SLC24A5: variants seen among roughly 807,000 people sequenced by gnomAD.
The protein encoded by SLC24A5 is solute carrier family 24 member 5.
A neutral mutation model predicts 51.6 loss-of-function variants in SLC24A5; 46 were observed. The observed-to-expected ratio is 0.89, with a 90% CI of 0.70 to 1.14. SLC24A5 has a LOEUF of 1.14. SLC24A5 is among the 50% of genes most tolerant of loss of function. The probability of loss-of-function intolerance (pLI) is 0.00; values close to 1 mark genes in which losing one functional copy is unlikely to be tolerated. For missense variants in SLC24A5, 581 were observed against 604.1 expected (o/e 0.96, Z 0.40); for synonymous variants, 230 against 214.9 (o/e 1.07, Z -0.62).
intron 2 of SLC24A5, among the ~76,000 whole-genome samples, chr15:48,133,333 GT>G (rs2038816465): frequency 6.6e-6 from 1 of 152,106 alleles, no homozygotes; most frequent in Non-Finnish European, 1.5e-5. Context: ...GTAAAGCCTG[GT>G]TGGGGATTTC....
chr15:48,128,245 A>G (rs1315501142), intron 2 of SLC24A5, among the ~76,000 whole-genome samples: 3 of 152,096 alleles, frequency 2.0e-5, no homozygotes, highest in African/African-American at 7.2e-5. Flanking sequence ...ATAGAGTCCA[A>G]ATTCCACAGT....
rs1312902018 is a variant in SLC24A5, at chr15:48,134,332, G to T, written c.376G>T (p.Ala126Ser). 1 of 1,613,524 alleles carries T rather than the reference G, an allele frequency of 6.2e-7. No individual in the cohort carries two copies. The highest frequency in any genetic ancestry group is 1.7e-5 in the Admixed American group (1 of 59,970). The change falls in exon 3 of 9, where the codon GCT (alanine) becomes TCT (serine). Residue 126 changes from alanine (A) to serine (S), a missense_variant. Transcript: ENST00000341459. ...AGSSAPELVT[A>S]FLGVFITKGD... The stretch of plus-strand genomic sequence containing the variant: ...CAGTTCAGCTCCTGAATTAGTTACT[G>T]CTTTCCTAGGTAAATATTGCTCCTT...
At chr15:48,138,481 A>C (rs2038957657) in intron 6 of SLC24A5, 1 of 152,580 alleles carries the variant, frequency 6.6e-6, no homozygotes, top group African/African-American at 2.4e-5. Context: ...TCCACTAAGA[A>C]TTAGGATATG....
At chr15:48,121,803 C>T in intron 1 of SLC24A5, 54 bp from the exon 2 acceptor site, 1 of 1,566,234 alleles carries the variant, frequency 6.4e-7, no homozygotes, top group Non-Finnish European at 8.8e-7. Context: ...TCTCTGTGGG[C>T]TTGGAATGTG....
In SLC24A5 at chr15:48,142,048, G is replaced by A. The variant is rs1466676317; in HGVS notation, c.1200G>A (p.Met400Ile). ...VARKGKGDMA[M>I]SNIVGSNVFD... ...TTGTAGGGAAAGGAGATATGGCTAT[G>A]TCTAACATCGTGGGATCCAATGTGT... is the stretch of plus-strand genomic sequence containing the variant. The change falls in exon 9 of 9, where the codon ATG (methionine) becomes ATA (isoleucine). Residue 400 changes from methionine to isoleucine, a missense_variant. Coordinates refer to ENST00000341459, the MANE Select transcript of SLC24A5 (RefSeq NM_205850.3). The A allele has an allele frequency of 1.9e-6, 3 of 1,612,568 alleles. No individual in the cohort carries two copies. The highest frequency in any genetic ancestry group is 2.5e-6 in the Non-Finnish European group (3 of 1,179,116).
rs2038858254 is a variant in SLC24A5 at position 48,134,884 on chromosome 15, G to A, written c.490G>A (p.Val164Ile). Residue 164 changes from valine (V) to isoleucine (I), a missense_variant and splice_region_variant, in exon 5 of 9, where the codon GTC becomes ATC. Coordinates refer to ENST00000341459, the MANE Select transcript of SLC24A5 (RefSeq NM_205850.3). ...CAACGLLSNT[V>I]STLSCWPLFR... ...GAAATAATAACTTACCATATTACAG[G>A]TCTCAACACTATCATGTTGGCCCCT... The A allele has an allele frequency of 6.2e-7, 1 of 1,605,536 alleles. No individual in the cohort carries two copies. The highest frequency in any genetic ancestry group is 1.3e-5 in the African/African-American group (1 of 74,704).
intron 6 of SLC24A5, 149 bp downstream of exon 6, chr15:48,137,112 G>T: frequency 1.3e-6 from 1 of 748,174 alleles, no homozygotes; most frequent in South Asian, 2.3e-5. Context: ...TACCTTTAAG[G>T]AACTTCCAAT....
In SLC24A5 at chr15:48,138,941, T is replaced by TAA. The variant is rs750005403; in HGVS notation, c.872-28_872-27insAA. 8 of 1,557,142 alleles carry TAA rather than the reference T, an allele frequency of 5.1e-6. No individual in the cohort carries two copies. The South Asian group carries it at 8.0e-5, about 16-fold the overall frequency. On this transcript the variant is annotated intron_variant, in intron 6 of 8. Transcript: ENST00000341459. The stretch of plus-strand genomic sequence containing the variant: ...AACTTAATTAGCCATTTGAGAAAAC[T>TAA]CAAAAGTGTTTACTTTTTCCACAAC...
intron 2 of SLC24A5, among the ~76,000 whole-genome samples, chr15:48,125,999 G>A (rs1208286347): frequency 6.6e-6 from 1 of 152,144 alleles, no homozygotes; most frequent in African/African-American, 2.4e-5. Flanking sequence ...TGTCATCTCC[G>A]TGCAGCGATG....
At chr15:48,123,064 C>T (rs2433355) in intron 2 of SLC24A5, 151,847 of 152,038 alleles carry the variant, frequency 1, 75,830 homozygotes, top group Middle Eastern at 1. Context: ...CGAATTATTT[C>T]CTCCCTTGTT....
chr15:48,126,641 C>T (rs1160108981), intron 2 of SLC24A5, among the ~76,000 whole-genome samples: 1 of 152,120 alleles, frequency 6.6e-6, no homozygotes, highest in Non-Finnish European at 1.5e-5. Flanking sequence ...GCTTCCTCAT[C>T]CTAACCAGTT....
At chr15:48,137,367 A>AATAAAT (rs2038926914) in intron 6 of SLC24A5, 1 of 163,016 alleles carries the variant, frequency 6.1e-6, no homozygotes, top group African/African-American at 2.4e-5. Flanking sequence ...AATGATGCAG[A>AATAAAT]GATAAAACAC....
intron 2 of SLC24A5, among the ~76,000 whole-genome samples, chr15:48,129,195 A>C (rs1342759796): frequency 1.3e-5 from 2 of 152,150 alleles, no homozygotes; most frequent in African/African-American, 4.8e-5. Flanking sequence ...CTCAGACAAA[A>C]TATGAGTTGG....
intron 2 of SLC24A5, among the ~76,000 whole-genome samples, chr15:48,128,722 CTTTG>C (rs1252423440): frequency 6.6e-6 from 1 of 152,110 alleles, no homozygotes; most frequent in African/African-American, 2.4e-5. Flanking sequence ...ATTTCATCCT[CTTTG>C]TTGTTCTTTT....
chr15:48,121,231 T>C (rs910408885), intron 1 of SLC24A5, 66 bp downstream of exon 1: 5 of 1,504,882 alleles, frequency 3.3e-6, no homozygotes, highest in Non-Finnish European at 4.4e-6. Flanking sequence ...CACATACAGA[T>C]GAAGGGACAA....
intron 2 of SLC24A5, among the ~76,000 whole-genome samples, chr15:48,125,686 G>A (rs2140709514): frequency 6.6e-6 from 1 of 152,214 alleles, no homozygotes; most frequent in South Asian, 2.1e-4. Flanking sequence ...AATCATTTTG[G>A]ACCTTTGGCA....
At chr15:48,133,282 G>A (rs1212253152) in intron 2 of SLC24A5, among the ~76,000 whole-genome samples, 2 of 152,140 alleles carry the variant, frequency 1.3e-5, no homozygotes, top group Non-Finnish European at 2.9e-5. Flanking sequence ...ATAATTTAAT[G>A]TATGGCATGC....
intron 2 of SLC24A5, among the ~76,000 whole-genome samples, chr15:48,133,306 T>C (rs193184162): frequency 3.3e-5 from 5 of 152,302 alleles, no homozygotes; most frequent in African/African-American, 1.2e-4. Flanking sequence ...CTCTATTAGC[T>C]AGTTTTTAGT....
At chr15:48,134,744 A>G (rs904191326) in intron 4 of SLC24A5, 140 bp from the exon 5 acceptor site, 5 of 784,554 alleles carry the variant, frequency 6.4e-6, no homozygotes, top group Non-Finnish European at 2.0e-6. Context: ...TTAGAACACA[A>G]TTTTACATTT....
Sources: gnomAD v4.1 joint callset for allele counts (sites outside exome capture counted in the v4.1 genomes callset) on GRCh38, gnomAD v4.1.1 for gene constraint, MANE v1.5 for transcripts, NCBI Gene and HGNC (gene_info 2026-07-23, HGNC 2026-07-21) for gene names.